DCC: variants seen among roughly 807,000 people sequenced by gnomAD.
The protein encoded by DCC is netrin receptor DCC.
A neutral mutation model predicts 172.5 loss-of-function variants in DCC; 58 were observed. The observed-to-expected ratio is 0.34, with a 90% CI of 0.27 to 0.42. The LOEUF is 0.42. Among genes scored for constraint, DCC ranks in the 10% least tolerant of loss-of-function variants. DCC has a pLI of 1.00. For synonymous variants in DCC, 709 were observed against 644.5 expected, an observed-to-expected ratio of 1.10 and a Z score of -1.52; for missense variants, 1,740 against 1,791.0, an observed-to-expected ratio of 0.97 and a Z score of 0.51.
At chr18:52,382,128 T>G (rs574773840) in intron 1 of DCC, among the ~76,000 whole-genome samples, 1 of 152,272 alleles carries the variant, frequency 6.6e-6, no homozygotes, top group South Asian at 2.1e-4. Flanking sequence ...TGTTCTGTGC[T>G]AAGTGGACTT....
intron 9 of DCC, among the ~76,000 whole-genome samples, chr18:53,188,001 A>G (rs1169730442): frequency 6.6e-6 from 1 of 152,230 alleles, no homozygotes; most frequent in Non-Finnish European, 1.5e-5. Flanking sequence ...AAGTCAAGCA[A>G]TGGAACTCTA....
In DCC at chr18:52,699,942, A is replaced by G. The variant is rs1052028132; in HGVS notation, c.92-52112A>G. 2.0e-5 allele frequency among the ~76,000 whole-genome samples: 3 copies of G among 152,138 alleles called. No individual in the cohort carries two copies. In the East Asian group the frequency reaches 5.8e-4, roughly 29 times the overall value. ...CAGAGTTGTGTTCATTCTGACCATT[A>G]AAGTGTAGGTATCGCTGCAGATAAA... is the stretch of plus-strand genomic sequence containing the variant. On this transcript the variant is annotated intron_variant, in intron 1 of 28. Transcript: ENST00000442544.
At chr18:52,985,260 A>C (rs924426721) in intron 5 of DCC, among the ~76,000 whole-genome samples, 1 of 152,038 alleles carries the variant, frequency 6.6e-6, no homozygotes, top group Non-Finnish European at 1.5e-5. Context: ...ATTCATAAGC[A>C]ATGTTTCAGA....
intron 5 of DCC, among the ~76,000 whole-genome samples, chr18:52,990,259 G>T (rs1011286551): frequency 6.6e-6 from 1 of 151,952 alleles, no homozygotes; most frequent in Non-Finnish European, 1.5e-5. Flanking sequence ...TAAGCAAAGC[G>T]GGCAGGCGCA....
intron 3 of DCC, among the ~76,000 whole-genome samples, chr18:52,919,705 T>C (rs546928603): frequency 6.6e-6 from 1 of 152,104 alleles, no homozygotes; most frequent in South Asian, 2.1e-4. Context: ...GATTAAATAT[T>C]GGTAAGTAAT....
chr18:53,242,323 A>T (rs879053533), intron 12 of DCC, among the ~76,000 whole-genome samples: 40 of 152,340 alleles, frequency 2.6e-4, no homozygotes, highest in African/African-American at 8.7e-4. Flanking sequence ...CCAATGGGAC[A>T]GCCAGGAAGA....
chr18:52,550,191 C>A (rs561297384), intron 1 of DCC, among the ~76,000 whole-genome samples: 2 of 151,614 alleles, frequency 1.3e-5, no homozygotes, highest in Non-Finnish European at 2.9e-5. Context: ...AGAAAAAAAC[C>A]CAAATGAGAA....
At chr18:53,114,013 C>G (rs2043374520) in intron 7 of DCC, among the ~76,000 whole-genome samples, 1 of 151,332 alleles carries the variant, frequency 6.6e-6, no homozygotes, top group Non-Finnish European at 1.5e-5. Context: ...TTTTACAGTT[C>G]TGAAGATTTA....
chr18:52,689,946 A>G (rs1306439936), intron 1 of DCC, among the ~76,000 whole-genome samples: 2 of 152,174 alleles, frequency 1.3e-5, no homozygotes, highest in African/African-American at 4.8e-5. Context: ...AGTCGAATCT[A>G]TTTTGACTAG....
At chr18:53,154,636 T>C (rs1172696445) in intron 7 of DCC, among the ~76,000 whole-genome samples, 1 of 152,128 alleles carries the variant, frequency 6.6e-6, no homozygotes, top group Non-Finnish European at 1.5e-5. Flanking sequence ...AATGGAAGCA[T>C]GGCAGTGGAG....
At chr18:52,663,719 A>G (rs751497775) in intron 1 of DCC, among the ~76,000 whole-genome samples, 7 of 152,228 alleles carry the variant, frequency 4.6e-5, no homozygotes, top group Non-Finnish European at 1.0e-4. Context: ...GAATAGAGAC[A>G]GAAAACTACA....
chr18:53,065,111 C>T (rs1255456691), intron 6 of DCC, among the ~76,000 whole-genome samples: 1 of 151,958 alleles, frequency 6.6e-6, no homozygotes, highest in Non-Finnish European at 1.5e-5. Context: ...ACACACTTAA[C>T]ATTGAGCACA....
intron 1 of DCC, among the ~76,000 whole-genome samples, chr18:52,645,155 C>T (rs1455108236): frequency 6.6e-6 from 1 of 151,914 alleles, no homozygotes; most frequent in East Asian, 1.9e-4. Flanking sequence ...TGAGATCTGC[C>T]TTGATCAGCT....
At chr18:53,287,100 C>G (rs1056998132) in intron 12 of DCC, among the ~76,000 whole-genome samples, 1 of 152,062 alleles carries the variant, frequency 6.6e-6, no homozygotes, top group African/African-American at 2.4e-5. Context: ...ATTTTGTCAC[C>G]CCTAAAAGAA....
chr18:52,433,434 G>C (rs1207840322), intron 1 of DCC, among the ~76,000 whole-genome samples: 1 of 152,124 alleles, frequency 6.6e-6, no homozygotes, highest in Non-Finnish European at 1.5e-5. Flanking sequence ...TATATTCTGG[G>C]ACTAGAGTTT....
intron 5 of DCC, among the ~76,000 whole-genome samples, chr18:52,969,589 C>CTCTCTCTCTCTCTCTCTCTCTCTA (rs2040992432): frequency 1.1e-5 from 1 of 88,524 alleles, no homozygotes; most frequent in African/African-American, 4.0e-5. Context: ...CCCCCACTCT[C>CTCTCTCTCTCTCTCTCTCTCTCTA]TCTCTCTCTC....
At chr18:53,484,931 C>CATAT (rs2045883827) in intron 25 of DCC, among the ~76,000 whole-genome samples, 1 of 151,854 alleles carries the variant, frequency 6.6e-6, no homozygotes, top group Non-Finnish European at 1.5e-5. Flanking sequence ...TGAAATAATA[C>CATAT]ATATATAAGC....
chr18:53,173,397 A>G (rs980153893), intron 8 of DCC, among the ~76,000 whole-genome samples: 1 of 152,120 alleles, frequency 6.6e-6, no homozygotes, highest in African/African-American at 2.4e-5. Flanking sequence ...TCATTTTACA[A>G]TTTTAACTAT....
intron 2 of DCC, among the ~76,000 whole-genome samples, chr18:52,764,393 C>T (rs1480551440): frequency 6.6e-6 from 1 of 152,182 alleles, no homozygotes; most frequent in Non-Finnish European, 1.5e-5. Context: ...CTCCAAACCT[C>T]GTGTTGAAAT....
Sources: gnomAD v4.1 joint callset for allele counts (sites outside exome capture counted in the v4.1 genomes callset) on GRCh38, gnomAD v4.1.1 for gene constraint, MANE v1.5 for transcripts, NCBI Gene and HGNC (gene_info 2026-07-23, HGNC 2026-07-21) for gene names.